Variants in OSTM1 observed in about 807,000 individuals in gnomAD.
OSTM1 encodes the protein osteoclastogenesis associated transmembrane protein 1, also known as osteopetrosis-associated transmembrane protein 1.
A neutral mutation model predicts 35.4 loss-of-function variants in OSTM1; 26 were observed. The observed-to-expected ratio is 0.73, with a 90% CI of 0.54 to 1.02. OSTM1 has a LOEUF of 1.02. Among genes scored for constraint, OSTM1 ranks in the 50% least tolerant of loss-of-function variants. OSTM1 has a pLI of 0.00. For missense variants in OSTM1, 366 were observed against 409.6 expected (o/e 0.89, Z 0.92); for synonymous variants, 181 against 165.0 (o/e 1.10, Z -0.75).
intron 2 of OSTM1, among the ~76,000 whole-genome samples, chr6:108,058,594 G>A (rs1256291738): frequency 6.6e-6 from 1 of 152,138 alleles, no homozygotes; most frequent in African/African-American, 2.4e-5. Context: ...CGAGACCACG[G>A]TGAAACCCCG....
intron 4 of OSTM1, 106 bp from the exon 5 acceptor site, chr6:108,049,524 A>G (rs1772040623): frequency 6.4e-7 from 1 of 1,553,166 alleles, no homozygotes; most frequent in African/African-American, 1.4e-5. Context: ...TTTAGACTCA[A>G]TACATACCTC....
intron 2 of OSTM1, 128 bp from the exon 3 acceptor site, chr6:108,054,715 C>A: frequency 2.1e-6 from 1 of 480,380 alleles, no homozygotes; most frequent in Non-Finnish European, 3.7e-6. Flanking sequence ...CATGAATTTT[C>A]CAAATATATG....
intron 5 of OSTM1, among the ~76,000 whole-genome samples, chr6:108,047,559 A>G (rs1771999873): frequency 6.6e-6 from 1 of 152,232 alleles, no homozygotes; most frequent in Middle Eastern, 3.2e-3. Context: ...TATGGATTTT[A>G]GTAGATCAAG....
rs2084493464 is a variant in OSTM1, at chr6:108,074,404, T to A, written c.248A>T (p.Glu83Val). 2 of 1,573,416 alleles carry A rather than the reference T, an allele frequency of 1.3e-6. No homozygotes were observed. Among genetic ancestry groups the A allele is most frequent in the South Asian group, 1.2e-5 (1 of 86,692 alleles). ...LPPDLPDLDP[E>V]CRELLLDFAN... ...GAAGTCCAGCAGGAGCTCCCGGCACTCAGGATCCAGATCCGGCAGGTCCGG... is the reference window on the plus strand; with the variant it reads ...GAAGTCCAGCAGGAGCTCCCGGCACACAGGATCCAGATCCGGCAGGTCCGG... Residue 83 changes from glutamate (E) to valine (V), a missense_variant, in exon 1 of 6, where the codon GAG becomes GTG. Glu to Val is a moderately radical substitution (Grantham distance 121). This residue lies in a region of OSTM1 where 236 missense variants were observed against 239.3 expected (regional missense o/e 0.99). Coordinates refer to ENST00000193322, the MANE Select transcript of OSTM1 (RefSeq NM_014028.4).
chr6:108,073,931 C>A (rs1772533345), intron 1 of OSTM1: 2 of 414,552 alleles, frequency 4.8e-6, no homozygotes, highest in Non-Finnish European at 4.4e-6. Context: ...TCCTTCCTGG[C>A]AACTCCAGGT....
intron 2 of OSTM1, among the ~76,000 whole-genome samples, chr6:108,062,386 A>G (rs1010104481): frequency 3.3e-5 from 5 of 152,340 alleles, no homozygotes; most frequent in African/African-American, 1.2e-4. Context: ...TACACAATTT[A>G]AGATTATAAA....
At chr6:108,057,087 G>C (rs1447513754) in intron 2 of OSTM1, among the ~76,000 whole-genome samples, 1 of 152,136 alleles carries the variant, frequency 6.6e-6, no homozygotes, top group African/African-American at 2.4e-5. Context: ...AATTAGCCAG[G>C]CATGGTGGCG....
At position 108,054,236 on chromosome 6, in the gene OSTM1, C is replaced by G. The variant is rs117748892; in HGVS notation, c.615+254G>C. On this transcript the variant is annotated intron_variant, in intron 3 of 5. Coordinates refer to ENST00000193322, the MANE Select transcript of OSTM1 (RefSeq NM_014028.4). ...CAATCAATGTTTTCACAATCATTAT[C>G]TCACCAGATTCTCATTACAAAATAC... 5.2e-4 allele frequency among the ~76,000 whole-genome samples: 79 copies of G among 152,314 alleles called. No homozygotes were observed. The East Asian group carries it at 0.014, about 28-fold the overall frequency.
chr6:108,066,977 C>T (rs1030631698), intron 1 of OSTM1, among the ~76,000 whole-genome samples: 10 of 152,138 alleles, frequency 6.6e-5, no homozygotes, highest in Non-Finnish European at 2.9e-5. Context: ...TTAGCAGAAC[C>T]CTAACCATCT....
rs1179754537 is a variant in OSTM1 at position 108,049,233 on chromosome 6, A to C, written c.949+20T>G. The C allele has an allele frequency of 1.3e-6, 2 of 1,552,646 alleles. No homozygotes were observed. On this transcript the variant is annotated intron_variant, in intron 5 of 5. Coordinates refer to ENST00000193322, the MANE Select transcript of OSTM1 (RefSeq NM_014028.4). ...AATACAGGCTTTTATCTATAAAATAAATAATTGTAAAAAACTTACGCAGAA... is the reference window on the plus strand; with the variant it reads ...AATACAGGCTTTTATCTATAAAATACATAATTGTAAAAAACTTACGCAGAA...
At position 108,051,326 on chromosome 6, in the gene OSTM1, TG is replaced by T. The variant is rs1582388543; in HGVS notation, c.616-129del. 3.8e-5 allele frequency: 26 copies of T among 680,336 alleles called. 1 individual carries two copies. In the East Asian group the frequency reaches 7.1e-4, roughly 19 times the overall value. 42.1% of individuals were successfully genotyped at this position (680,336 alleles called of 1,614,324 possible). ...GTGTTAAAGTGCTAAGCTGTGATGT[TG>T]AGTAGGTTACTAAATCACTCTGAGT... On this transcript the variant is annotated intron_variant, in intron 3 of 5. Coordinates refer to ENST00000193322, the MANE Select transcript of OSTM1 (RefSeq NM_014028.4).
At chr6:108,060,249 A>T (rs773684597) in intron 2 of OSTM1, among the ~76,000 whole-genome samples, 1 of 152,192 alleles carries the variant, frequency 6.6e-6, no homozygotes, top group Non-Finnish European at 1.5e-5. Context: ...GGTCCTCAGA[A>T]GTTCAATGTA....
At position 108,064,238 on chromosome 6, in the gene OSTM1, A is replaced by T. The variant is rs1417562359; in HGVS notation, c.464T>A (p.Val155Asp). The T allele has an allele frequency of 6.2e-7, 1 of 1,607,174 alleles. No individual in the cohort carries two copies. Among genetic ancestry groups the T allele is most frequent in the Admixed American group, 1.7e-5 (1 of 60,014 alleles). The part of the protein sequence containing the change: ...SLLMADRMQI[V>D]VILSEFFNTT... ...ATTAAAAAATTCTGAGAGAATCACA[A>T]CTATTTGCATTCTATCTGCCATTAA... The change falls in exon 2 of 6, where the codon GTT (valine) becomes GAT (aspartate). Residue 155 changes from valine to aspartate, a missense_variant. Around this residue, in one of 3 missense-constraint regions of OSTM1, gnomAD observed 236 missense variants for 239.3 expected, o/e 0.99. Coordinates refer to ENST00000193322, the MANE Select transcript of OSTM1 (RefSeq NM_014028.4).
In OSTM1 at chr6:108,074,398, C is replaced by G. The variant is rs898484756; in HGVS notation, c.254G>C (p.Arg85Pro). Residue 85 changes from arginine to proline, a missense_variant, in exon 1 of 6, where the codon CGG (arginine) becomes CCG (proline). Arg to Pro is a moderately radical substitution (Grantham distance 103). Transcript: ENST00000193322. ...PDLPDLDPEC[R>P]ELLLDFANSS... ...GTTGGCGAAGTCCAGCAGGAGCTCC[C>G]GGCACTCAGGATCCAGATCCGGCAG... is the stretch of plus-strand genomic sequence containing the variant. The G allele has an allele frequency of 5.7e-6, 9 of 1,576,136 alleles. No individual in the cohort carries two copies. The Admixed American group carries it at 1.1e-4, about 20-fold the overall frequency.
chr6:108,065,883 G>A (rs1467999185), intron 1 of OSTM1, among the ~76,000 whole-genome samples: 1 of 152,212 alleles, frequency 6.6e-6, no homozygotes, highest in Admixed American at 6.5e-5. Flanking sequence ...AGTGTTCAAT[G>A]TGTGGAACAG....
At chr6:108,070,701 C>T (rs1220768282) in intron 1 of OSTM1, among the ~76,000 whole-genome samples, 1 of 150,988 alleles carries the variant, frequency 6.6e-6, no homozygotes, top group Non-Finnish European at 1.5e-5. Context: ...ACCAGCCTGG[C>T]CAACATAGTG....
intron 2 of OSTM1, among the ~76,000 whole-genome samples, chr6:108,061,893 A>ATTTAGTATCT (rs1156367616): frequency 6.6e-6 from 1 of 152,126 alleles, no homozygotes; most frequent in African/African-American, 2.4e-5. Flanking sequence ...TTCCAGGTGC[A>ATTTAGTATCT]TTGTAAATCC....
Position 108,044,494 on chromosome 6 carries a change from T to C in OSTM1, c.*291A>G, listed in dbSNP as rs886060970. 4.9e-5 allele frequency: 11 copies of C among 226,000 alleles called. No homozygotes were observed. Among genetic ancestry groups the C allele is most frequent in the Non-Finnish European group, 8.6e-5 (10 of 116,444 alleles). The allele number at this position is 226,000 out of a possible 1,614,324, so 14.0% of individuals were successfully genotyped here. A position where few individuals can be genotyped will look rare whatever the true frequency, so the allele number is the denominator to read the frequency against. On this transcript the variant is annotated 3_prime_UTR_variant, in exon 6 of 6. Coordinates refer to ENST00000193322, the MANE Select transcript of OSTM1 (RefSeq NM_014028.4). ...AGATACCAGAAGTCTAGAATAGTAA[T>C]CAAATGCCTATAAAATAAAATAATG...
At chr6:108,044,862 T>C (rs758833803) in intron 5 of OSTM1, 22 bp from the exon 6 acceptor site, 2 of 1,296,292 alleles carry the variant, frequency 1.5e-6, no homozygotes, top group Non-Finnish European at 2.2e-6. Flanking sequence ...AAAAGAATTA[T>C]ATTTTAATTT....
Sources: allele counts gnomAD v4.1 joint callset (sites outside exome capture counted in the v4.1 genomes callset), GRCh38; gene constraint gnomAD v4.1.1; regional missense constraint gnomAD v4.1.1; transcripts MANE v1.5; gene names NCBI Gene and HGNC (gene_info 2026-07-23, HGNC 2026-07-21).